IPMK: variants seen among roughly 807,000 people sequenced by gnomAD.
The protein encoded by IPMK is inositol polyphosphate multikinase, also known as inositol 1,3,4,6-tetrakisphosphate 5-kinase.
A neutral mutation model predicts 45.8 loss-of-function variants in IPMK; 17 were observed. The observed-to-expected ratio is 0.37, with a 90% CI of 0.25 to 0.56. IPMK has a LOEUF of 0.56. Among genes scored for constraint, IPMK ranks in the 20% least tolerant of loss-of-function variants. The pLI is 0.79. For synonymous variants in IPMK, 180 were observed against 184.3 expected, an observed-to-expected ratio of 0.98 and a Z score of 0.19; for missense variants, 399 against 498.0, an observed-to-expected ratio of 0.80 and a Z score of 1.89.
chr10:58,260,727 T>C (rs977914106), intron 1 of IPMK, among the ~76,000 whole-genome samples: 2 of 152,102 alleles, frequency 1.3e-5, no homozygotes, highest in African/African-American at 2.4e-5. Context: ...TAGTAAACAA[T>C]GTGTAAGACC....
intron 3 of IPMK, among the ~76,000 whole-genome samples, chr10:58,217,688 CAAAAAAA>C (rs11393849): frequency 1.2e-4 from 6 of 49,266 alleles, no homozygotes; most frequent in African/African-American, 5.6e-4. Flanking sequence ...AACTCCATCT[CAAAAAAA>C]AAAAAAAAAA....
At chr10:58,257,101 GC>G (rs1324888972) in intron 1 of IPMK, among the ~76,000 whole-genome samples, 1 of 152,068 alleles carries the variant, frequency 6.6e-6, no homozygotes, top group Non-Finnish European at 1.5e-5. Context: ...ACAACATTTT[GC>G]TTTTATTATT....
chr10:58,232,075 CAAAG>C (rs1402725316), intron 2 of IPMK, among the ~76,000 whole-genome samples: 1 of 152,098 alleles, frequency 6.6e-6, no homozygotes, highest in Non-Finnish European at 1.5e-5. Flanking sequence ...TCAAAAGAGA[CAAAG>C]AAGGCCATTA....
intron 4 of IPMK, among the ~76,000 whole-genome samples, chr10:58,208,940 T>C (rs1335010911): frequency 1.3e-5 from 2 of 152,196 alleles, no homozygotes; most frequent in African/African-American, 4.8e-5. Flanking sequence ...TGAGGATTTA[T>C]CAGAGTGAAG....
chr10:58,193,686 A>G lies in IPMK; in HGVS notation c.*2390T>C, dbSNP rs1175347739. 1 of 151,604 alleles carries G rather than the reference A, an allele frequency of 6.6e-6. No individual in the cohort carries two copies. Among genetic ancestry groups the G allele is most frequent in the Non-Finnish European group, 1.5e-5 (1 of 67,652 alleles). 9.4% of individuals were successfully genotyped at this position (151,604 alleles called of 1,614,324 possible). A position where few individuals can be genotyped will look rare whatever the true frequency, so the allele number is the denominator to read the frequency against. On this transcript the variant is annotated 3_prime_UTR_variant, in exon 6 of 6. Transcript: ENST00000373935. ...AATCATTACTTATGTTTCATAGGGG[A>G]AAAAAAACTATGAGAATCCTATTAA...
At chr10:58,206,943 C>T (rs899070446) in intron 4 of IPMK, among the ~76,000 whole-genome samples, 9 of 152,120 alleles carry the variant, frequency 5.9e-5, no homozygotes, top group East Asian at 1.9e-4. Flanking sequence ...GCAAATGCCA[C>T]TATTTCACTC....
At chr10:58,199,521 C>T (rs1837967031) in intron 4 of IPMK, among the ~76,000 whole-genome samples, 200 bp from the exon 5 acceptor site, 1 of 151,936 alleles carries the variant, frequency 6.6e-6, no homozygotes, top group East Asian at 1.9e-4. Context: ...CTGATGAAAA[C>T]TCTCTGTAAT....
intron 1 of IPMK, among the ~76,000 whole-genome samples, chr10:58,239,576 T>C (rs891486546): frequency 3.3e-5 from 5 of 152,124 alleles, no homozygotes; most frequent in African/African-American, 9.7e-5. Flanking sequence ...GATAGCAGGA[T>C]GGATTAGAGA....
intron 4 of IPMK, among the ~76,000 whole-genome samples, chr10:58,212,235 G>C (rs1209885890): frequency 2.0e-5 from 3 of 152,042 alleles, no homozygotes; most frequent in African/African-American, 7.2e-5. Flanking sequence ...CTTTCTAGTA[G>C]TGGCTTACTA....
At chr10:58,237,003 G>A (rs749813674) in intron 2 of IPMK, among the ~76,000 whole-genome samples, 1 of 152,188 alleles carries the variant, frequency 6.6e-6, no homozygotes, top group Non-Finnish European at 1.5e-5. Context: ...TTGAGCCTGG[G>A]AGGCAGAGGT....
chr10:58,248,803 C>T (rs1838841319), intron 1 of IPMK, among the ~76,000 whole-genome samples: 1 of 152,140 alleles, frequency 6.6e-6, no homozygotes, highest in Non-Finnish European at 1.5e-5. Context: ...TTCGTCTTTC[C>T]ATGCCTGGTT....
rs761628068 is a variant in IPMK, at chr10:58,196,562, A to G, written c.765T>C (p.Phe255=). 2 of 1,614,122 alleles carry G rather than the reference A, an allele frequency of 1.2e-6. No individual in the cohort carries two copies. The highest frequency in any genetic ancestry group is 4.5e-5 in the East Asian group (2 of 44,874). The part of the protein sequence containing the change: ...QLNFYASSLL[F]VYEGSSQPTT... ...TTGGCTGAGATGAACCTTCATAAACAAAGAGTAATGAACTTGCGTAAAAAT... is the reference window on the plus strand; with the variant it reads ...TTGGCTGAGATGAACCTTCATAAACGAAGAGTAATGAACTTGCGTAAAAAT... The change falls in exon 6 of 6, where the codon TTT becomes TTC. Residue 255 remains phenylalanine, a synonymous_variant. Coordinates refer to ENST00000373935, the MANE Select transcript of IPMK (RefSeq NM_152230.5).
chr10:58,251,885 A>G (rs971248676), intron 1 of IPMK, among the ~76,000 whole-genome samples: 1 of 152,182 alleles, frequency 6.6e-6, no homozygotes, highest in Non-Finnish European at 1.5e-5. Flanking sequence ...AGGTAAAGTG[A>G]GTTTCTTGCA....
At chr10:58,236,294 T>A (rs889983909) in intron 2 of IPMK, among the ~76,000 whole-genome samples, 2 of 152,122 alleles carry the variant, frequency 1.3e-5, no homozygotes, top group Non-Finnish European at 2.9e-5. Context: ...CCTGGACACA[T>A]TTATGAAGCT....
chr10:58,204,355 A>T (rs1470580499), intron 4 of IPMK, among the ~76,000 whole-genome samples: 1 of 152,230 alleles, frequency 6.6e-6, no homozygotes, highest in African/African-American at 2.4e-5. Flanking sequence ...CAGAATGATA[A>T]GCAAAAGCAA....
Position 58,199,251 on chromosome 10 carries a change from G to C in IPMK, c.617C>G (p.Thr206Ser). ...TTTTTAGTCCTTACCATCCTTTATA[G>C]TTTCTTTTGTTAAGCTTCTTCCGTA... is the stretch of plus-strand genomic sequence containing the variant. ...QHYGRSLTKE[T>S]IKDGVSRFFH... is the part of the protein sequence containing the mutation. Residue 206 changes from threonine to serine, a missense_variant, in exon 5 of 6, where the codon ACT becomes AGT. Coordinates refer to ENST00000373935, the MANE Select transcript of IPMK (RefSeq NM_152230.5). The C allele has an allele frequency of 6.2e-7, 1 of 1,600,954 alleles. No individual in the cohort carries two copies. Among genetic ancestry groups the C allele is most frequent in the Non-Finnish European group, 8.5e-7 (1 of 1,171,086 alleles).
At chr10:58,245,740 G>A (rs1212807598) in intron 1 of IPMK, among the ~76,000 whole-genome samples, 3 of 151,426 alleles carry the variant, frequency 2.0e-5, no homozygotes, top group African/African-American at 7.3e-5. Flanking sequence ...TTGAAAACTG[G>A]CACAAGACAG....
intron 4 of IPMK, among the ~76,000 whole-genome samples, chr10:58,209,960 A>G (rs951241782): frequency 1.3e-5 from 2 of 152,118 alleles, no homozygotes; most frequent in Non-Finnish European, 1.5e-5. Context: ...GCAAGGGGGA[A>G]TTATTCTGAT....
chr10:58,232,879 T>G (rs1838546606), intron 2 of IPMK, among the ~76,000 whole-genome samples: 1 of 152,150 alleles, frequency 6.6e-6, no homozygotes, highest in African/African-American at 2.4e-5. Context: ...AAATAATCAA[T>G]GAATCCAGGA....
Sources: gnomAD v4.1 joint callset for allele counts (sites outside exome capture counted in the v4.1 genomes callset) on GRCh38, gnomAD v4.1.1 for gene constraint, MANE v1.5 for transcripts, NCBI Gene and HGNC (gene_info 2026-07-23, HGNC 2026-07-21) for gene names.